NFATC3: variants seen among roughly 807,000 people sequenced by gnomAD.
NFATC3 encodes the protein nuclear factor of activated T cells 3, also known as nuclear factor of activated T-cells, cytoplasmic 3.
Under a neutral mutation model 98.6 loss-of-function variants are expected in NFATC3, and 46 were observed. That is an observed-to-expected ratio of 0.47 (90% CI 0.37 to 0.60). The LOEUF is 0.60. Among genes scored for constraint, NFATC3 ranks in the 20% least tolerant of loss-of-function variants. The pLI, the probability that NFATC3 is intolerant of heterozygous loss-of-function variation, is 0.00. For synonymous variants in NFATC3, 512 were observed against 472.2 expected (o/e 1.08, Z -1.09); for missense variants, 1,256 against 1,295.5 (o/e 0.97, Z 0.47).
chr16:68,186,273 A>C (rs1048957128), intron 8 of NFATC3, among the ~76,000 whole-genome samples: 1 of 151,970 alleles, frequency 6.6e-6, no homozygotes. Context: ...ATTCTTGGCC[A>C]GGCGCTGTAG....
At chr16:68,162,338 G>T (rs906122507) in intron 4 of NFATC3, among the ~76,000 whole-genome samples, 1 of 152,196 alleles carries the variant, frequency 6.6e-6, no homozygotes, top group Admixed American at 6.5e-5. Context: ...TAGTATCCTA[G>T]TAGCTTGTTG....
intron 9 of NFATC3, among the ~76,000 whole-genome samples, chr16:68,193,939 G>C (rs1342030458): frequency 6.6e-6 from 1 of 152,114 alleles, no homozygotes; most frequent in African/African-American, 2.4e-5. Context: ...GTGGGGGATG[G>C]GGGTGATTGG....
chr16:68,163,393 G>A (rs926219542), intron 4 of NFATC3, among the ~76,000 whole-genome samples: 9 of 151,106 alleles, frequency 6.0e-5, no homozygotes, highest in South Asian at 2.1e-4. Context: ...CCTCCCGGAC[G>A]GGGCGGCTGG....
At position 68,112,889 on chromosome 16, in the gene NFATC3, C is replaced by G. The variant is rs562678259; in HGVS notation, c.104-9098C>G. 3.3e-5 allele frequency among the ~76,000 whole-genome samples: 5 copies of G among 151,920 alleles called. No individual in the cohort carries two copies. The South Asian group carries it at 1.0e-3, about 32-fold the overall frequency. ...TGCCTGGTCTGTTCAGCTGTTGATA[C>G]TTGTGGTTGTATTGTGAAGCTCTCC... On this transcript the variant is annotated intron_variant, in intron 1 of 9. Transcript: ENST00000346183.
rs1212365096 is a variant in NFATC3, at chr16:68,133,744, GTTGT to G, written c.1401+7137_1401+7140del. ...TGATTGTGGGATTCATCAAATTTTTGTTGTTTATTTTTTTCATTGCTTTGTGTTA... is the reference window on the plus strand; with the variant it reads ...TGATTGTGGGATTCATCAAATTTTTGTTATTTTTTTCATTGCTTTGTGTTA... On this transcript the variant is annotated intron_variant, in intron 3 of 9. Coordinates refer to ENST00000346183, the MANE Select transcript of NFATC3 (RefSeq NM_173165.3). Among the ~76,000 whole-genome samples the G allele has an allele frequency of 2.6e-5, 4 of 151,868 alleles. No homozygotes were observed. The East Asian group carries it at 7.7e-4, about 29-fold the overall frequency.
intron 5 of NFATC3, among the ~76,000 whole-genome samples, chr16:68,168,280 A>G (rs898161937): frequency 6.6e-6 from 1 of 151,946 alleles, no homozygotes; most frequent in Non-Finnish European, 1.5e-5. Flanking sequence ...CTCCTGCCTC[A>G]GCCTCCTGAG....
At chr16:68,188,711 AT>A (rs1240351633) in intron 8 of NFATC3, among the ~76,000 whole-genome samples, 1 of 152,104 alleles carries the variant, frequency 6.6e-6, no homozygotes, top group Non-Finnish European at 1.5e-5. Flanking sequence ...GGGTTTTTAA[AT>A]TTTATTTTTG....
intron 7 of NFATC3, among the ~76,000 whole-genome samples, chr16:68,182,208 G>C (rs949296280): frequency 5.3e-5 from 8 of 152,154 alleles, no homozygotes; most frequent in African/African-American, 1.9e-4. Flanking sequence ...AAAGTTAGGA[G>C]CAAGACAAGT....
chr16:68,163,639 C>G (rs2039022320), intron 4 of NFATC3, among the ~76,000 whole-genome samples: 1 of 151,288 alleles, frequency 6.6e-6, no homozygotes, highest in South Asian at 2.1e-4. Flanking sequence ...CTCCTCACTT[C>G]TCAGACGGGG....
intron 9 of NFATC3, chr16:68,221,117 G>T: frequency 6.8e-7 from 1 of 1,465,666 alleles, no homozygotes; most frequent in East Asian, 2.3e-5. Context: ...AAATTAAATT[G>T]CAAGCATTAG....
chr16:68,223,894 C>CA (rs1190287100), intron 9 of NFATC3, among the ~76,000 whole-genome samples: 3,825 of 57,994 alleles, frequency 0.066, 93 homozygotes, highest in Middle Eastern at 0.23. Context: ...GACTCCATCT[C>CA]AAAAAAAAAA....
At chr16:68,086,076 G>GGTT (rs1187397435) in intron 1 of NFATC3, among the ~76,000 whole-genome samples, 2 of 152,242 alleles carry the variant, frequency 1.3e-5, no homozygotes, top group East Asian at 3.8e-4. Context: ...AGTGGCGTCT[G>GGTT]GTTGTCGTTG....
intron 4 of NFATC3, among the ~76,000 whole-genome samples, chr16:68,165,380 T>TTTTTTC (rs1209047069): frequency 1.3e-5 from 2 of 151,206 alleles, no homozygotes; most frequent in African/African-American, 2.4e-5. Flanking sequence ...TTGTCTTTTT[T>TTTTTTC]TTTTTCTTTT....
intron 1 of NFATC3, chr16:68,089,074 A>AT (rs771308665): frequency 2.8e-5 from 28 of 985,454 alleles, no homozygotes; most frequent in Non-Finnish European, 3.3e-5. Flanking sequence ...TTTGGCTTTT[A>AT]TTGATGAGTT....
At chr16:68,190,488 T>C (rs1283488802) in intron 8 of NFATC3, among the ~76,000 whole-genome samples, 2 of 152,248 alleles carry the variant, frequency 1.3e-5, no homozygotes, top group Non-Finnish European at 2.9e-5. Context: ...TTCTGTCGCT[T>C]AGTCACCTAA....
intron 8 of NFATC3, among the ~76,000 whole-genome samples, chr16:68,189,122 C>T (rs1432803765): frequency 6.6e-6 from 1 of 152,222 alleles, no homozygotes; most frequent in Non-Finnish European, 1.5e-5. Flanking sequence ...AATTAGTTGA[C>T]AAATGTGTGA....
intron 5 of NFATC3, among the ~76,000 whole-genome samples, chr16:68,169,614 G>A (rs1205882891): frequency 3.9e-5 from 6 of 151,928 alleles, no homozygotes; most frequent in Non-Finnish European, 8.8e-5. Context: ...ATGAAGTTAC[G>A]CTAAAATGAT....
In NFATC3 at chr16:68,191,722, A is replaced by G; in HGVS notation, c.3053A>G (p.Asp1018Gly). The change falls in exon 9 of 10, where the codon GAT (aspartate) becomes GGT (glycine). Residue 1018 changes from aspartate to glycine, a missense_variant. Physicochemically the swap from Asp to Gly is moderately conservative, Grantham distance 94 (BLOSUM62 -1). Coordinates refer to ENST00000346183, the MANE Select transcript of NFATC3 (RefSeq NM_173165.3). ...ATVSIKPEPE[D>G]REPNFATIGL... Reference sequence around the variant, plus strand: ...GTGAGCATTAAACCTGAACCAGAAGATCGAGAGCCTAACTTTGCAACCATT... The same window carrying G: ...GTGAGCATTAAACCTGAACCAGAAGGTCGAGAGCCTAACTTTGCAACCATT... 2 of 1,614,146 alleles carry G rather than the reference A, an allele frequency of 1.2e-6. No individual in the cohort carries two copies. Among genetic ancestry groups the G allele is most frequent in the Non-Finnish European group, 1.7e-6 (2 of 1,180,024 alleles).
chr16:68,164,086 C>G (rs949740698), intron 4 of NFATC3, among the ~76,000 whole-genome samples: 15 of 152,154 alleles, frequency 9.9e-5, no homozygotes, highest in Non-Finnish European at 1.9e-4. Context: ...GCCGAGATCA[C>G]GCCACTGCAC....
Sources: gnomAD v4.1 joint callset for allele counts (sites outside exome capture counted in the v4.1 genomes callset) on GRCh38, gnomAD v4.1.1 for gene constraint, MANE v1.5 for transcripts, NCBI Gene and HGNC (gene_info 2026-07-23, HGNC 2026-07-21) for gene names.